Variants in CLIP4 observed in about 807,000 individuals in gnomAD.
CLIP4 encodes CAP-Gly domain-containing linker protein 4.
A neutral mutation model predicts 73.1 loss-of-function variants in CLIP4; 47 were observed. The observed-to-expected ratio is 0.64, with a 90% CI of 0.51 to 0.82. CLIP4 has a LOEUF of 0.82. Among genes scored for constraint, CLIP4 ranks in the 40% least tolerant of loss-of-function variants. The probability of loss-of-function intolerance (pLI) is 0.00; values close to 1 mark genes in which losing one functional copy is unlikely to be tolerated. For missense variants in CLIP4, 874 were observed against 852.9 expected (o/e 1.02, Z -0.31); for synonymous variants, 306 against 295.4 (o/e 1.04, Z -0.37).
Position 29,156,392 on chromosome 2 carries a change from AC to A in CLIP4, c.1205del (p.Thr402AsnfsTer13). On this transcript the variant is annotated frameshift_variant, in exon 10 of 16. Coordinates refer to ENST00000320081, the MANE Select transcript of CLIP4 (RefSeq NM_024692.6). LOFTEE classifies it high-confidence loss of function. Reference protein sequence around the residue: ...TSKKDSASESTLSLPPGEELK... With the variant: ...TSKKDSASESXLSLPPGEELK... Reference sequence around the variant, plus strand: ...AAAAAAAGATAGTGCTTCTGAGTCAACACTTTCATTGCCTCCTGGTGAAGAA... The same window carrying A: ...AAAAAAAGATAGTGCTTCTGAGTCAAACTTTCATTGCCTCCTGGTGAAGAA... 1 of 1,589,436 alleles carries A rather than the reference AC, an allele frequency of 6.3e-7. No individual in the cohort carries two copies. The highest frequency in any genetic ancestry group is 8.5e-7 in the Non-Finnish European group (1 of 1,174,202).
chr2:29,142,408 G>C (rs1237727099), intron 6 of CLIP4, among the ~76,000 whole-genome samples: 1 of 152,030 alleles, frequency 6.6e-6, no homozygotes, highest in African/African-American at 2.4e-5. Flanking sequence ...AAAGTCCAAA[G>C]TAAAATATTC....
intron 11 of CLIP4, 131 bp downstream of exon 11, chr2:29,157,478 C>G (rs920081754): frequency 6.9e-5 from 97 of 1,402,072 alleles, no homozygotes; most frequent in Non-Finnish European, 9.3e-5. Context: ...TTTACTCTTC[C>G]CCACCTCCCC....
chr2:29,128,629 A>G (rs553330446), intron 2 of CLIP4, among the ~76,000 whole-genome samples: 1 of 152,168 alleles, frequency 6.6e-6, no homozygotes, highest in Non-Finnish European at 1.5e-5. Context: ...AAGAAAGTTT[A>G]GTCGTTTTAA....
chr2:29,133,838 T>C (rs1665156182), intron 5 of CLIP4, 22 bp downstream of exon 5: 1 of 1,550,938 alleles, frequency 6.4e-7, no homozygotes, highest in Non-Finnish European at 8.7e-7. Flanking sequence ...AAGATCACCT[T>C]TAGATATTAT....
rs1420620426 is a variant in CLIP4 at position 29,115,444 on chromosome 2, G to C, written c.-237G>C. ...CCACCGAGTCCCCAGCGCGTGCGCG[G>C]GGCCGTGGCCGAGGCCTGCGCGCCG... is the stretch of plus-strand genomic sequence containing the variant. On this transcript the variant is annotated 5_prime_UTR_variant, in exon 1 of 16. Coordinates refer to ENST00000320081, the MANE Select transcript of CLIP4 (RefSeq NM_024692.6). This position sits in a 1 kb window ranked among gnomAD's most constrained non-coding sequence, Gnocchi z 5.1. The C allele has an allele frequency of 6.7e-6, 1 of 149,850 alleles. No individual in the cohort carries two copies. The highest frequency in any genetic ancestry group is 1.5e-5 in the Non-Finnish European group (1 of 67,226). 9.3% of individuals were successfully genotyped at this position (149,850 alleles called of 1,614,324 possible).
intron 14 of CLIP4, among the ~76,000 whole-genome samples, chr2:29,170,585 G>A (rs1667937736): frequency 6.6e-6 from 1 of 152,182 alleles, no homozygotes; most frequent in South Asian, 2.1e-4. Context: ...ATTTCACAGA[G>A]CAGAAGCTTT....
intron 15 of CLIP4, among the ~76,000 whole-genome samples, chr2:29,178,583 G>T (rs1013443570): frequency 3.3e-5 from 5 of 152,240 alleles, no homozygotes; most frequent in Admixed American, 2.6e-4. Context: ...TTGTTTAATA[G>T]CTTCCTTCAG....
Position 29,121,518 on chromosome 2 carries a change from T to C in CLIP4, c.130T>C (p.Cys44Arg). The change falls in exon 2 of 16, where the codon TGT becomes CGT. Residue 44 changes from cysteine to arginine, a missense_variant. Cys to Arg is a radical substitution (Grantham distance 180, BLOSUM62 -3). Coordinates refer to ENST00000320081, the MANE Select transcript of CLIP4 (RefSeq NM_024692.6). ...SISAAPMPSD[C>R]EFSFFDPNDA... ...TTCTGCAGCACCAATGCCTTCAGACTGTGGTATGTGAAGTAGCTGTGCTTA... is the reference window on the plus strand; with the variant it reads ...TTCTGCAGCACCAATGCCTTCAGACCGTGGTATGTGAAGTAGCTGTGCTTA... The C allele has an allele frequency of 6.2e-7, 1 of 1,613,058 alleles. No individual in the cohort carries two copies. The highest frequency in any genetic ancestry group is 2.2e-5 in the East Asian group (1 of 44,846).
intron 1 of CLIP4, among the ~76,000 whole-genome samples, chr2:29,119,943 C>T (rs1664142652): frequency 6.6e-6 from 1 of 152,158 alleles, no homozygotes; most frequent in South Asian, 2.1e-4. Flanking sequence ...ACCTAAGAAG[C>T]ATGGACCATC....
chr2:29,101,944 A>G (rs1668062612), intron 1 of CLIP4, among the ~76,000 whole-genome samples: 1 of 152,164 alleles, frequency 6.6e-6, no homozygotes, highest in Non-Finnish European at 1.5e-5. Context: ...CATTTGCCAC[A>G]AGGGTAGAAT....
intron 13 of CLIP4, 58 bp from the exon 14 acceptor site, chr2:29,167,418 C>A: frequency 1.7e-6 from 2 of 1,203,498 alleles, no homozygotes; most frequent in South Asian, 1.5e-5. Context: ...AGTTGATAAC[C>A]AGTCTTAAAC....
At chr2:29,170,164 A>G (rs1442957930) in intron 14 of CLIP4, among the ~76,000 whole-genome samples, 1 of 152,134 alleles carries the variant, frequency 6.6e-6, no homozygotes, top group Non-Finnish European at 1.5e-5. Context: ...CCATTGGTGG[A>G]CACTTAGGTT....
At chr2:29,140,263 T>G (rs1665667702) in intron 6 of CLIP4, among the ~76,000 whole-genome samples, 1 of 152,068 alleles carries the variant, frequency 6.6e-6, no homozygotes, top group South Asian at 2.1e-4. Context: ...CAGAGTGTGA[T>G]GTTCCCCTTC....
intron 2 of CLIP4, among the ~76,000 whole-genome samples, chr2:29,128,146 A>G (rs1017571755): frequency 6.6e-6 from 1 of 151,638 alleles, no homozygotes; most frequent in Non-Finnish European, 1.5e-5. Flanking sequence ...TTATTTGACA[A>G]TGCTTCCCAT....
At chr2:29,168,549 G>A (rs1227019459) in intron 14 of CLIP4, among the ~76,000 whole-genome samples, 3 of 103,288 alleles carry the variant, frequency 2.9e-5, no homozygotes, top group African/African-American at 1.2e-4. Flanking sequence ...TTTGAGACGA[G>A]TCTCTCTCTG....
At chr2:29,136,176 TTTG>T (rs1000122461) in intron 6 of CLIP4, among the ~76,000 whole-genome samples, 39 of 150,448 alleles carry the variant, frequency 2.6e-4, no homozygotes, top group East Asian at 1.5e-3. Flanking sequence ...CTTCAGATCA[TTTG>T]TTGTTGTTGT....
At chr2:29,171,244 A>G (rs537080715) in intron 14 of CLIP4, among the ~76,000 whole-genome samples, 25 of 152,264 alleles carry the variant, frequency 1.6e-4, no homozygotes, top group Admixed American at 9.1e-4. Context: ...CTATCTCTCC[A>G]TTTATTTATA....
chr2:29,177,578 CA>C (rs112054947), intron 15 of CLIP4, among the ~76,000 whole-genome samples: 61 of 144,490 alleles, frequency 4.2e-4, no homozygotes, highest in East Asian at 3.0e-3. Context: ...GACTCTGTTT[CA>C]AAAAAAAAAA....
chr2:29,181,812 G>A lies in CLIP4; in HGVS notation c.2037G>A (p.Pro679=), dbSNP rs370184992. The A allele has an allele frequency of 2.3e-5, 37 of 1,614,042 alleles. No individual in the cohort carries two copies. In the African/African-American group the frequency reaches 3.1e-4, roughly 13 times the overall value. The change falls in exon 16 of 16, where the codon CCG becomes CCA. Residue 679 remains proline, a synonymous_variant. Coordinates refer to ENST00000320081, the MANE Select transcript of CLIP4 (RefSeq NM_024692.6). ...VGDKRYFTCK[P]NHGVLVRPSR... is the part of the protein sequence containing the mutation. ...ACAAGCGCTATTTCACCTGTAAGCC[G>A]AACCATGGAGTCTTAGTTCGACCGA...
Sources: gnomAD v4.1 joint callset for allele counts (sites outside exome capture counted in the v4.1 genomes callset) on GRCh38, gnomAD v4.1.1 for gene constraint, Gnocchi (gnomAD v3.1) non-coding constraint, MANE v1.5 for transcripts, NCBI Gene and HGNC (gene_info 2026-07-23, HGNC 2026-07-21) for gene names.